CIT: variants seen among roughly 807,000 people sequenced by gnomAD.
CIT encodes the protein citron rho-interacting serine/threonine kinase, also known as citron Rho-interacting kinase.
Under a neutral mutation model 272.7 loss-of-function variants are expected in CIT, and 79 were observed. The observed-to-expected ratio is 0.29, with a 90% CI of 0.24 to 0.35. The LOEUF (loss-of-function observed/expected upper bound fraction) is 0.35. Ranked by LOEUF, CIT falls within the 10% of genes least tolerant of loss-of-function variation. The probability of loss-of-function intolerance (pLI) is 1.00; values close to 1 mark genes in which losing one functional copy is unlikely to be tolerated. For synonymous variants in CIT, 948 were observed against 995.6 expected (o/e 0.95, Z 0.90); for missense variants, 1,909 against 2,618.3 (o/e 0.73, Z 5.91).
chr12:119,835,397 C>G (rs2138139254), intron 5 of CIT, among the ~76,000 whole-genome samples: 1 of 152,312 alleles, frequency 6.6e-6, no homozygotes, highest in East Asian at 1.9e-4. Flanking sequence ...CCATTCAATT[C>G]CCTTTCTTCC....
At chr12:119,715,848 T>C (rs1435010939) in intron 32 of CIT, among the ~76,000 whole-genome samples, 1 of 152,200 alleles carries the variant, frequency 6.6e-6, no homozygotes, top group African/African-American at 2.4e-5. Flanking sequence ...AACATGTTAC[T>C]GGTAGGAGAT....
At position 119,776,813 on chromosome 12, in the gene CIT, C is replaced by T; in HGVS notation, c.1695G>A (p.Arg565=). The change falls in exon 14 of 48, where the codon AGG becomes AGA. Residue 565 remains arginine (R), a synonymous_variant. Coordinates refer to ENST00000392521, the MANE Select transcript of CIT (RefSeq NM_001206999.2). ...QEYQAQVEEM[R]LMMNQLEEDL... is the part of the protein sequence containing the mutation. ...CCTCTTCCAACTGATTCATCATCAA[C>T]CTCATTTCTTCCACTTGAGCCTGGT... is the stretch of plus-strand genomic sequence containing the variant. 1 of 1,614,060 alleles carries T rather than the reference C, an allele frequency of 6.2e-7. No individual in the cohort carries two copies. The highest frequency in any genetic ancestry group is 1.1e-5 in the South Asian group (1 of 91,076).
In CIT at chr12:119,698,384, G is replaced by A. The variant is rs537829630; in HGVS notation, c.5624-330C>T. On this transcript the variant is annotated intron_variant, in intron 44 of 47. Transcript: ENST00000392521. ...GCAGGTGGATCACCTGAAGTCAGGAGTTCGAGACCAGCCTGGCCTACATGG... is the reference window on the plus strand; with the variant it reads ...GCAGGTGGATCACCTGAAGTCAGGAATTCGAGACCAGCCTGGCCTACATGG... Among the ~76,000 whole-genome samples the A allele has an allele frequency of 3.9e-5, 6 of 152,286 alleles. No individual in the cohort carries two copies. The South Asian group carries it at 1.2e-3, about 32-fold the overall frequency.
chr12:119,860,822 TAAA>T (rs561470396), intron 3 of CIT, among the ~76,000 whole-genome samples: 2 of 136,484 alleles, frequency 1.5e-5, no homozygotes, highest in Non-Finnish European at 3.2e-5. Flanking sequence ...TATGATTACT[TAAA>T]AAAAAAAAAA....
intron 26 of CIT, 99 bp from the exon 27 acceptor site, chr12:119,730,729 G>T: frequency 2.3e-6 from 3 of 1,313,664 alleles, no homozygotes; most frequent in Non-Finnish European, 2.1e-6. Flanking sequence ...AACTAAACAG[G>T]CTGCAGGCCA....
chr12:119,826,024 C>T lies in CIT; in HGVS notation c.754-656G>A, dbSNP rs535537375. Among the ~76,000 whole-genome samples, 28 of 152,086 alleles carry T rather than the reference C, an allele frequency of 1.8e-4. No individual in the cohort carries two copies. In the South Asian group the frequency reaches 3.5e-3, roughly 19 times the overall value. Reference sequence around the variant, plus strand: ...CGGAGGTTGCAGTGAGCCAAGATTGCGCCATTACACTGCAGCCTGGGTGAC... The same window carrying T: ...CGGAGGTTGCAGTGAGCCAAGATTGTGCCATTACACTGCAGCCTGGGTGAC... On this transcript the variant is annotated intron_variant, in intron 7 of 47. Transcript: ENST00000392521.
rs1232954015 is a variant in CIT at position 119,710,784 on chromosome 12, T to G, written c.4855-164A>C. On this transcript the variant is annotated intron_variant, in intron 37 of 47. Coordinates refer to ENST00000392521, the MANE Select transcript of CIT (RefSeq NM_001206999.2). This position sits in a 1 kb window ranked among gnomAD's most constrained non-coding sequence, Gnocchi z 5.6. ...GCTCAGCCCGTATTTTGATCTGAGC[T>G]CCAAATGCAAAATGCGAGTGCTATT... 20 of 718,922 alleles carry G rather than the reference T, an allele frequency of 2.8e-5. No homozygotes were observed. 44.5% of individuals were successfully genotyped at this position (718,922 alleles called of 1,614,324 possible). A position where few individuals can be genotyped will look rare whatever the true frequency, so the allele number is the denominator to read the frequency against.
chr12:119,712,905 T>C lies in CIT; in HGVS notation c.4580-210A>G. 1 of 579,264 alleles carries C rather than the reference T, an allele frequency of 1.7e-6. No individual in the cohort carries two copies. The highest frequency in any genetic ancestry group is 3.1e-6 in the Non-Finnish European group (1 of 327,160). 35.9% of individuals were successfully genotyped at this position (579,264 alleles called of 1,614,324 possible). ...AAAGTGTGTCAGATGAGTAGCACAG[T>C]CAAATTTCTGATGACGATGCGGATT... On this transcript the variant is annotated intron_variant, in intron 35 of 47. Transcript: ENST00000392521. This position sits in a 1 kb window ranked among gnomAD's most constrained non-coding sequence, Gnocchi z 5.2.
chr12:119,742,357 T>G (rs373335719), intron 24 of CIT, 54 bp downstream of exon 24: 391 of 1,302,446 alleles, frequency 3.0e-4, no homozygotes, highest in Non-Finnish European at 4.0e-4. Context: ...CCCCTTTTCC[T>G]CCTCTGTTTT....
chr12:119,700,469 G>A (rs901281054), intron 44 of CIT, among the ~76,000 whole-genome samples: 4 of 152,060 alleles, frequency 2.6e-5, no homozygotes, highest in Admixed American at 1.3e-4. Flanking sequence ...TGCAACCTCC[G>A]CCTCCTGGGT....
chr12:119,726,385 ATT>A (rs3999547), intron 28 of CIT, among the ~76,000 whole-genome samples: 1,559 of 101,214 alleles, frequency 0.015, 11 homozygotes, highest in African/African-American at 0.062. Flanking sequence ...CACTTGGCTA[ATT>A]TTTTTTTTTT....
rs748439473 is a variant in CIT at position 119,784,085 on chromosome 12, C to T, written c.1402-34G>A. The T allele has an allele frequency of 3.7e-6, 6 of 1,613,454 alleles. No homozygotes were observed. The highest frequency in any genetic ancestry group is 5.1e-6 in the Non-Finnish European group (6 of 1,179,618). On this transcript the variant is annotated intron_variant, in intron 11 of 47. Transcript: ENST00000392521. The surrounding 1 kb of genome is among the most constrained non-coding windows in gnomAD (Gnocchi z 4.7). Reference sequence around the variant, plus strand: ...AACACATCGACAGGTTAAAAAGGCCCGTGGAGGTTCATTAGGAGCAATCAC... The same window carrying T: ...AACACATCGACAGGTTAAAAAGGCCTGTGGAGGTTCATTAGGAGCAATCAC...
intron 10 of CIT, among the ~76,000 whole-genome samples, chr12:119,798,473 T>G (rs760608525): frequency 5.9e-5 from 9 of 152,166 alleles, no homozygotes; most frequent in Admixed American, 2.0e-4. Flanking sequence ...CTTGGGCTGG[T>G]TGTGCAATTT....
intron 10 of CIT, among the ~76,000 whole-genome samples, chr12:119,790,032 T>C (rs986787586): frequency 6.6e-6 from 1 of 152,018 alleles, no homozygotes; most frequent in African/African-American, 2.4e-5. Flanking sequence ...TTTTCTAAGA[T>C]TTTTATTAGC....
chr12:119,870,133 C>A (rs940188774), intron 2 of CIT, among the ~76,000 whole-genome samples: 1 of 152,176 alleles, frequency 6.6e-6, no homozygotes, highest in Non-Finnish European at 1.5e-5. Context: ...ACATGCTACT[C>A]CTTACTTTAA....
Position 119,784,975 on chromosome 12 carries a change from C to T in CIT, c.1386G>A (p.Gln462=). Residue 462 remains glutamine (Q), a synonymous_variant, in exon 11 of 48, where the codon CAG becomes CAA. Transcript: ENST00000392521. This position sits in a 1 kb window ranked among gnomAD's most constrained non-coding sequence, Gnocchi z 4.7. The part of the protein sequence containing the change: ...LIKSKELQDS[Q]DKCHKMEQEM... ...AAATAAATACCTTGTGACACTTGTC[C>T]TGAGAGTCTTGTAGCTCTTTGCTTT... 1 of 1,614,184 alleles carries T rather than the reference C, an allele frequency of 6.2e-7. No homozygotes were observed. Among genetic ancestry groups the T allele is most frequent in the Non-Finnish European group, 8.5e-7 (1 of 1,180,038 alleles).
At chr12:119,721,154 A>G (rs893548179) in intron 29 of CIT, among the ~76,000 whole-genome samples, 155 bp downstream of exon 29, 1 of 152,082 alleles carries the variant, frequency 6.6e-6, no homozygotes, top group Non-Finnish European at 1.5e-5. Flanking sequence ...TTTAGTAGAG[A>G]TGGGGTTTCA....
rs1336825852 is a variant in CIT at position 119,714,181 on chromosome 12, C to T, written c.4306+16G>A. On this transcript the variant is annotated intron_variant, in intron 33 of 47. Coordinates refer to ENST00000392521, the MANE Select transcript of CIT (RefSeq NM_001206999.2). Reference sequence around the variant, plus strand: ...TGCACAGGTGCCCAGCACAGATGCACAACTACTGATCTTACCGAGACATTT... The same window carrying T: ...TGCACAGGTGCCCAGCACAGATGCATAACTACTGATCTTACCGAGACATTT... The T allele has an allele frequency of 1.9e-6, 3 of 1,613,882 alleles. No individual in the cohort carries two copies. Among genetic ancestry groups the T allele is most frequent in the Middle Eastern group, 1.7e-4 (1 of 6,060 alleles).
chr12:119,797,979 G>A (rs547671065), intron 10 of CIT, among the ~76,000 whole-genome samples: 2 of 152,366 alleles, frequency 1.3e-5, no homozygotes, highest in Admixed American at 1.3e-4. Context: ...TCAGCCTGAA[G>A]ATATGGTGGA....
Sources: gnomAD v4.1 joint callset for allele counts (sites outside exome capture counted in the v4.1 genomes callset) on GRCh38, gnomAD v4.1.1 for gene constraint, Gnocchi (gnomAD v3.1) non-coding constraint, MANE v1.5 for transcripts, NCBI Gene and HGNC (gene_info 2026-07-23, HGNC 2026-07-21) for gene names.